UGT1A6: variants seen among roughly 807,000 people sequenced by gnomAD.
UGT1A6 encodes UDP-glucuronosyltransferase 1A6.
UGT1A6 carries 32 observed loss-of-function variants against 44.4 expected under a neutral mutation model. The observed-to-expected ratio is 0.72, with a 90% CI of 0.54 to 0.97. The LOEUF (loss-of-function observed/expected upper bound fraction) is 0.97, where lower values mean the gene tolerates loss of function less well. UGT1A6 is among the 50% of genes least tolerant of loss of function. UGT1A6 has a pLI of 0.00. For missense variants in UGT1A6, 685 were observed against 661.9 expected, an observed-to-expected ratio of 1.03 and a Z score of -0.38; for synonymous variants, 238 against 248.5, an observed-to-expected ratio of 0.96 and a Z score of 0.40.
intron 1 of UGT1A6, chr2:233,760,670 C>T: frequency 6.2e-7 from 1 of 1,614,098 alleles, no homozygotes; most frequent in Non-Finnish European, 8.5e-7. Context: ...TCTGGCTGTT[C>T]CCACTTACTG....
intron 1 of UGT1A6, among the ~76,000 whole-genome samples, chr2:233,733,971 G>T (rs927832512): frequency 6.6e-6 from 1 of 152,028 alleles, no homozygotes; most frequent in East Asian, 1.9e-4. Flanking sequence ...TAGGGGGAGC[G>T]GGGAGGGATA....
At chr2:233,717,941 A>G in intron 1 of UGT1A6, 1 of 453,744 alleles carries the variant, frequency 2.2e-6, no homozygotes, top group Middle Eastern at 6.9e-4. Context: ...GTCTCTATGC[A>G]GACTTGCAGA....
chr2:233,722,743 G>A (rs1388091069), intron 1 of UGT1A6, among the ~76,000 whole-genome samples: 1 of 151,770 alleles, frequency 6.6e-6, no homozygotes, highest in Non-Finnish European at 1.5e-5. Context: ...TTGATGCAGT[G>A]ACTGTCTATA....
At chr2:233,740,216 C>T (rs2125828149) in intron 1 of UGT1A6, among the ~76,000 whole-genome samples, 1 of 151,920 alleles carries the variant, frequency 6.6e-6, no homozygotes, top group Admixed American at 6.5e-5. Flanking sequence ...CCAGTCTCAG[C>T]TGCGTCTTTA....
chr2:233,763,843 G>A (rs1698410988), intron 1 of UGT1A6, among the ~76,000 whole-genome samples: 1 of 152,204 alleles, frequency 6.6e-6, no homozygotes, highest in Non-Finnish European at 1.5e-5. Context: ...GGGTAAGATA[G>A]CAGTGGTTCA....
chr2:233,709,027 C>A (rs2076053667), intron 1 of UGT1A6, among the ~76,000 whole-genome samples: 1 of 152,124 alleles, frequency 6.6e-6, no homozygotes, highest in Non-Finnish European at 1.5e-5. Context: ...GCAGCAGGGG[C>A]TTCAGCCTGA....
rs145239529 is a variant in UGT1A6, at chr2:233,769,464, C to CGT, written c.1301+1039_1301+1040dup. ...GGGTGCACACGTGTGCATTCATATGCGTGTGTGTGTGTGTGCGTGTGTTTA... is the reference window on the plus strand; with the variant it reads ...GGGTGCACACGTGTGCATTCATATGCGTGTGTGTGTGTGTGTGCGTGTGTTTA... On this transcript the variant is annotated intron_variant, in intron 4 of 4. Coordinates refer to ENST00000305139, the MANE Select transcript of UGT1A6 (RefSeq NM_001072.4). This position sits in a 1 kb window ranked among gnomAD's most constrained non-coding sequence, Gnocchi z 4.4. 1.1e-3 allele frequency: 1,584 copies of CGT among 1,481,010 alleles called. 6 individuals are homozygous for CGT. The African/African-American group carries it at 0.012, about 11-fold the overall frequency. 91.7% of individuals were successfully genotyped at this position (1,481,010 alleles called of 1,614,324 possible).
At chr2:233,754,812 C>T in intron 1 of UGT1A6, 1 of 1,317,570 alleles carries the variant, frequency 7.6e-7, no homozygotes. Context: ...AGAAGAAAAA[C>T]CACCCTCAAA....
At chr2:233,760,167 A>T (rs982651614) in intron 1 of UGT1A6, 4 of 1,523,868 alleles carry the variant, frequency 2.6e-6, no homozygotes, top group Non-Finnish European at 2.6e-6. Flanking sequence ...ACCTTTGTGG[A>T]CTGACAGCTT....
chr2:233,724,889 T>A lies in UGT1A6; in HGVS notation c.861+31024T>A, dbSNP rs2077329092. On this transcript the variant is annotated intron_variant, in intron 1 of 4. Coordinates refer to ENST00000305139, the MANE Select transcript of UGT1A6 (RefSeq NM_001072.4). The stretch of plus-strand genomic sequence containing the variant: ...TTGTAGTGAGCGGAGATCACGCCAC[T>A]GCACTCCAGCCTGGGCACCATTGAG... 1.5e-5 allele frequency among the ~76,000 whole-genome samples: 2 copies of A among 135,370 alleles called. 1 individual carries two copies. Among genetic ancestry groups the A allele is most frequent in the Non-Finnish European group, 3.1e-5 (2 of 64,272 alleles). The allele number at this position is 135,370 out of a possible 152,430, so 88.8% of individuals were successfully genotyped here. A position where few individuals can be genotyped will look rare whatever the true frequency, so the allele number is the denominator to read the frequency against.
At position 233,772,698 on chromosome 2, in the gene UGT1A6, A is replaced by C; in HGVS notation, c.*139A>C. Reference sequence around the variant, plus strand: ...AATTAATCAGCCCCAGAGTGCTTTAAAAAATTCTCTTAAATAAAAATAATA... The same window carrying C: ...AATTAATCAGCCCCAGAGTGCTTTACAAAATTCTCTTAAATAAAAATAATA... On this transcript the variant is annotated 3_prime_UTR_variant, in exon 5 of 5. Coordinates refer to ENST00000305139, the MANE Select transcript of UGT1A6 (RefSeq NM_001072.4). 6.7e-7 allele frequency: 1 copy of C among 1,482,372 alleles called. No homozygotes were observed. The highest frequency in any genetic ancestry group is 1.4e-5 in the African/African-American group (1 of 70,578). The allele number at this position is 1,482,372 out of a possible 1,614,324, so 91.8% of individuals were successfully genotyped here. A position where few individuals can be genotyped will look rare whatever the true frequency, so the allele number is the denominator to read the frequency against.
intron 1 of UGT1A6, chr2:233,752,671 G>C (rs764603463): frequency 6.6e-6 from 1 of 152,170 alleles, no homozygotes; most frequent in Non-Finnish European, 1.5e-5. Flanking sequence ...AGGATCACTT[G>C]AGCCCAGAAA....
intron 1 of UGT1A6, chr2:233,718,125 G>A (rs1421445167): frequency 3.5e-6 from 1 of 286,392 alleles, no homozygotes; most frequent in Non-Finnish European, 7.0e-6. Context: ...ATTCCATGGT[G>A]TAGATGGAGA....
chr2:233,720,798 C>T (rs948904174), intron 1 of UGT1A6, among the ~76,000 whole-genome samples: 26 of 151,502 alleles, frequency 1.7e-4, no homozygotes, highest in African/African-American at 4.1e-4. Flanking sequence ...CTTCACCTCC[C>T]GGGTTTAAGA....
intron 1 of UGT1A6, among the ~76,000 whole-genome samples, chr2:233,754,056 T>C (rs963446161): frequency 1.3e-5 from 2 of 152,238 alleles, no homozygotes; most frequent in Non-Finnish European, 2.9e-5. Context: ...TTTACCTGCT[T>C]TTATAAAGCC....
chr2:233,699,994 G>A (rs1457243004), intron 1 of UGT1A6, among the ~76,000 whole-genome samples: 1 of 152,158 alleles, frequency 6.6e-6, no homozygotes, highest in Non-Finnish European at 1.5e-5. Context: ...GAATTACTCT[G>A]GCTCAAAATG....
chr2:233,714,481 C>T (rs138449579), intron 1 of UGT1A6, among the ~76,000 whole-genome samples: 103 of 152,274 alleles, frequency 6.8e-4, no homozygotes, highest in African/African-American at 2.4e-3. Flanking sequence ...GAGAATGTTT[C>T]TTGTGAAGAC....
intron 1 of UGT1A6, among the ~76,000 whole-genome samples, chr2:233,753,908 C>T (rs1252814204): frequency 6.6e-6 from 1 of 152,246 alleles, no homozygotes; most frequent in South Asian, 2.1e-4. Context: ...CTTCTTACAC[C>T]GATTTCAGCT....
intron 2 of UGT1A6, 116 bp downstream of exon 2, chr2:233,767,281 C>T: frequency 6.4e-7 from 1 of 1,571,624 alleles, no homozygotes; most frequent in Non-Finnish European, 8.6e-7. Flanking sequence ...TTTTCCCTGC[C>T]ACTTCCCAAC....
Sources: allele counts gnomAD v4.1 joint callset (sites outside exome capture counted in the v4.1 genomes callset), GRCh38; gene constraint gnomAD v4.1.1; non-coding constraint Gnocchi (gnomAD v3.1); transcripts MANE v1.5; gene names NCBI Gene and HGNC (gene_info 2026-07-23, HGNC 2026-07-21).